MYH14: variants seen among roughly 807,000 people sequenced by gnomAD.
The protein encoded by MYH14 is myosin heavy chain 14.
In MYH14, 123 loss-of-function variants were observed where a neutral mutation model predicts 255.5. The ratio of observed to expected loss-of-function variants is 0.48; its 90% CI spans 0.42 to 0.56. MYH14 has a LOEUF of 0.56. MYH14 is among the 20% of genes least tolerant of loss of function. The probability of loss-of-function intolerance (pLI) is 0.00; values close to 1 mark genes in which losing one functional copy is unlikely to be tolerated. For missense variants in MYH14, 2,423 were observed against 2,802.3 expected, an observed-to-expected ratio of 0.86 and a Z score of 3.06; for synonymous variants, 1,095 against 1,161.2, an observed-to-expected ratio of 0.94 and a Z score of 1.16.
Position 50,259,128 on chromosome 19 carries a change from C to T in MYH14, c.2233-16C>T, listed in dbSNP as rs779655335. The T allele has an allele frequency of 1.9e-6, 3 of 1,545,452 alleles. No individual in the cohort carries two copies. Among genetic ancestry groups the T allele is most frequent in the Non-Finnish European group, 2.6e-6 (3 of 1,142,430 alleles). On this transcript the variant is annotated splice_polypyrimidine_tract_variant and intron_variant, in intron 18 of 42. Coordinates refer to ENST00000642316, the MANE Select transcript of MYH14 (RefSeq NM_001145809.2). ...TGGCCGCCGCTGACCCCCGCGTGTC[C>T]GTCCGCTCTCCCCAGGCCGGGAAGC...
At chr19:50,208,715 T>G (rs539690279) in intron 1 of MYH14, among the ~76,000 whole-genome samples, 2 of 152,332 alleles carry the variant, frequency 1.3e-5, no homozygotes, top group African/African-American at 4.8e-5. Flanking sequence ...ATGATATATT[T>G]TATTTAACCC....
intron 33 of MYH14, chr19:50,286,191 T>A: frequency 3.8e-6 from 1 of 265,186 alleles, no homozygotes; most frequent in Non-Finnish European, 7.1e-6. Context: ...TGAAGTACAT[T>A]TAAAAATATA....
At chr19:50,211,873 A>T (rs1387879683) in intron 2 of MYH14, among the ~76,000 whole-genome samples, 3 of 152,028 alleles carry the variant, frequency 2.0e-5, no homozygotes, top group Non-Finnish European at 4.4e-5. Flanking sequence ...TTGTAGTCCC[A>T]GTTACTTGGG....
intron 10 of MYH14, among the ~76,000 whole-genome samples, chr19:50,234,001 G>A (rs1043134606): frequency 2.0e-5 from 3 of 151,816 alleles, no homozygotes; most frequent in Non-Finnish European, 2.9e-5. Context: ...TGTACTTTTA[G>A]TAGAGACAGG....
intron 40 of MYH14, 130 bp downstream of exon 40, chr19:50,301,999 C>A (rs192528782): frequency 1.3e-6 from 1 of 770,126 alleles, no homozygotes; most frequent in Non-Finnish European, 2.1e-6. Context: ...GACTGCTGGC[C>A]TGGCATGGTG....
chr19:50,259,328 G>C, intron 19 of MYH14, 63 bp downstream of exon 19: 3 of 1,541,922 alleles, frequency 1.9e-6, no homozygotes, highest in Non-Finnish European at 2.6e-6. Flanking sequence ...TCTGGAAGCC[G>C]ACACACCTGC....
rs1399539668 is a variant in MYH14 at position 50,272,748 on chromosome 19, G to A, written c.3467+17G>A. The A allele has an allele frequency of 1.9e-6, 3 of 1,548,886 alleles. No homozygotes were observed. The highest frequency in any genetic ancestry group is 1.7e-6 in the Non-Finnish European group (2 of 1,146,690). On this transcript the variant is annotated intron_variant, in intron 27 of 42. Coordinates refer to ENST00000642316, the MANE Select transcript of MYH14 (RefSeq NM_001145809.2). ...CCTGGCCAGGTGCAGGGTGGGGTGGGCTTGGTGGGGTAAGCAGCATGGGTG... is the reference window on the plus strand; with the variant it reads ...CCTGGCCAGGTGCAGGGTGGGGTGGACTTGGTGGGGTAAGCAGCATGGGTG...
At chr19:50,264,837 C>T (rs146113874) in intron 22 of MYH14, among the ~76,000 whole-genome samples, 127 of 152,290 alleles carry the variant, frequency 8.3e-4, no homozygotes, top group African/African-American at 3.0e-3. Flanking sequence ...CATGCCTACC[C>T]AAAGCAGAGG....
At chr19:50,223,476 G>A (rs1336442128) in intron 5 of MYH14, 127 bp downstream of exon 5, 6 of 719,800 alleles carry the variant, frequency 8.3e-6, no homozygotes, top group Non-Finnish European at 1.5e-5. Context: ...TGCCACCTGA[G>A]CACCTACTGT....
At chr19:50,273,914 T>C (rs2035410919) in intron 27 of MYH14, among the ~76,000 whole-genome samples, 1 of 152,116 alleles carries the variant, frequency 6.6e-6, no homozygotes, top group African/African-American at 2.4e-5. Context: ...CGTGAGGCAC[T>C]GCACCCGGCC....
Position 50,268,118 on chromosome 19 carries a change from G to A in MYH14, c.2827-43G>A, listed in dbSNP as rs2035156388. On this transcript the variant is annotated intron_variant, in intron 23 of 42. Transcript: ENST00000642316. ...TAGGCACCCAGTGCAGGTTGCCCTG[G>A]GAGCACTGCCTGCTGACCACTAACC... is the stretch of plus-strand genomic sequence containing the variant. The A allele has an allele frequency of 2.0e-6, 3 of 1,524,196 alleles. No individual in the cohort carries two copies. In the East Asian group the frequency reaches 7.4e-5, roughly 38 times the overall value. The allele number at this position is 1,524,196 out of a possible 1,614,324, so 94.4% of individuals were successfully genotyped here. A position where few individuals can be genotyped will look rare whatever the true frequency, so the allele number is the denominator to read the frequency against.
Position 50,263,415 on chromosome 19 carries a change from AC to A in MYH14, c.2691del (p.Lys898ArgfsTer2). 1 of 1,596,842 alleles carries A rather than the reference AC, an allele frequency of 6.3e-7. No homozygotes were observed. The highest frequency in any genetic ancestry group is 2.3e-5 in the East Asian group (1 of 43,942). On this transcript the variant is annotated frameshift_variant, in exon 22 of 43. Coordinates refer to ENST00000642316, the MANE Select transcript of MYH14 (RefSeq NM_001145809.2). LOFTEE classifies it high-confidence loss of function. ...ACACTGGCAGTGGTGGCGGCTGTTT[AC>A]CAAGGTGAGGGCAGCCTGGGGAGGT... is the stretch of plus-strand genomic sequence containing the variant. ...LRHWQWWRLFTKVKPLLQVTR... is the reference protein window; with the variant it reads ...LRHWQWWRLFXKVKPLLQVTR...
At chr19:50,267,585 C>T (rs886383446) in intron 23 of MYH14, among the ~76,000 whole-genome samples, 23 of 149,358 alleles carry the variant, frequency 1.5e-4, no homozygotes, top group African/African-American at 5.2e-4. Context: ...GGCGCCACCG[C>T]ACTCCAGCCT....
At chr19:50,228,129 CA>C (rs1389500220) in intron 8 of MYH14, among the ~76,000 whole-genome samples, 1 of 151,588 alleles carries the variant, frequency 6.6e-6, no homozygotes, top group Non-Finnish European at 1.5e-5. Flanking sequence ...AATAAAAATA[CA>C]AAAAAATTAG....
rs148618029 is a variant in MYH14 at position 50,286,161 on chromosome 19, TA to T, written c.4540-312del. On this transcript the variant is annotated intron_variant, in intron 33 of 42. Transcript: ENST00000642316. ...AGTTTATTTGCCAATTACTGTGTCT[TA>T]AAAAAAAACAGTAAAGGTTGAAGTA... The T allele has an allele frequency of 5.0e-3, 1,017 of 204,796 alleles. 51 individuals are homozygous for T. The East Asian group carries it at 0.085, about 17-fold the overall frequency. The allele number at this position is 204,796 out of a possible 1,614,324, so 12.7% of individuals were successfully genotyped here. A position where few individuals can be genotyped will look rare whatever the true frequency, so the allele number is the denominator to read the frequency against.
chr19:50,226,735 G>C (rs1052944541), intron 7 of MYH14, among the ~76,000 whole-genome samples, 168 bp from the exon 8 acceptor site: 8 of 152,090 alleles, frequency 5.3e-5, no homozygotes, highest in African/African-American at 1.7e-4. Context: ...TTCCCAAGGA[G>C]CCCCCCGATG....
At chr19:50,215,042 G>C (rs979429720) in intron 2 of MYH14, among the ~76,000 whole-genome samples, 6 of 152,158 alleles carry the variant, frequency 3.9e-5, no homozygotes, top group African/African-American at 1.4e-4. Flanking sequence ...TGTCTTCAGA[G>C]CCCCGAGGGC....
intron 27 of MYH14, among the ~76,000 whole-genome samples, chr19:50,274,377 C>G (rs2035428182): frequency 6.6e-6 from 1 of 152,192 alleles, no homozygotes; most frequent in African/African-American, 2.4e-5. Context: ...TCACTACATC[C>G]TCCGCCTCTT....
Position 50,309,802 on chromosome 19 carries a change from C to T in MYH14, c.*12C>T. On this transcript the variant is annotated 3_prime_UTR_variant, in exon 43 of 43. Coordinates refer to ENST00000642316, the MANE Select transcript of MYH14 (RefSeq NM_001145809.2). The stretch of plus-strand genomic sequence containing the variant: ...CCCACCCCCAGTGACCCTACCCTGT[C>T]CCCAGATGCACTAACAGATGGGGCC... 1 of 1,410,566 alleles carries T rather than the reference C, an allele frequency of 7.1e-7. No individual in the cohort carries two copies. Among genetic ancestry groups the T allele is most frequent in the Non-Finnish European group, 9.7e-7 (1 of 1,031,494 alleles). The allele number at this position is 1,410,566 out of a possible 1,614,324, so 87.4% of individuals were successfully genotyped here.
Sources: gnomAD v4.1 joint callset for allele counts (sites outside exome capture counted in the v4.1 genomes callset) on GRCh38, gnomAD v4.1.1 for gene constraint, MANE v1.5 for transcripts, NCBI Gene and HGNC (gene_info 2026-07-23, HGNC 2026-07-21) for gene names.